TENM2: variants seen among roughly 807,000 people sequenced by gnomAD.
The protein encoded by TENM2 is teneurin-2.
TENM2 carries 52 observed loss-of-function variants against 245.2 expected under a neutral mutation model. The ratio of observed to expected loss-of-function variants is 0.21; its 90% CI spans 0.17 to 0.27. The LOEUF (loss-of-function observed/expected upper bound fraction) is 0.27, where lower values mean the gene tolerates loss of function less well. Ranked by LOEUF, TENM2 falls within the 10% of genes least tolerant of loss-of-function variation. The pLI is 1.00. For missense variants in TENM2, 3,046 were observed against 3,666.8 expected (o/e 0.83, Z 4.37); for synonymous variants, 1,363 against 1,438.9 (o/e 0.95, Z 1.19).
chr5:168,099,357 A>G (rs1470620465), intron 9 of TENM2, among the ~76,000 whole-genome samples: 2 of 152,132 alleles, frequency 1.3e-5, no homozygotes, highest in African/African-American at 4.8e-5. Flanking sequence ...CAGCTCTGCC[A>G]TTGGGTATCT....
At position 167,380,013 on chromosome 5, in the gene TENM2, T is replaced by C. The variant is rs559098276; in HGVS notation, c.502+4540T>C. ...ATTTGTGTTTTTAGGCTTTATTTTA[T>C]ATACCTGTACATTTAAAAGAATACC... On this transcript the variant is annotated intron_variant, in intron 2 of 28. Coordinates refer to ENST00000518659, the Ensembl canonical transcript of TENM2. Among the ~76,000 whole-genome samples the C allele has an allele frequency of 2.6e-5, 4 of 151,896 alleles. No individual in the cohort carries two copies. The South Asian group carries it at 8.3e-4, about 32-fold the overall frequency.
intron 1 of TENM2, among the ~76,000 whole-genome samples, chr5:167,333,441 GTTATTA>G (rs1248707865): frequency 1.3e-5 from 2 of 152,124 alleles, no homozygotes; most frequent in Non-Finnish European, 2.9e-5. Flanking sequence ...GGTAGTTGTT[GTTATTA>G]TTATTATCAT....
At chr5:167,217,738 T>A in the TENM2 span, among the ~76,000 whole-genome samples, 1 of 141,942 alleles carries the variant, frequency 7.0e-6, no homozygotes, top group African/African-American at 2.6e-5. Flanking sequence ...ATATATATAA[T>A]ATATGTGATA....
intron 2 of TENM2, among the ~76,000 whole-genome samples, chr5:167,669,936 T>C (rs1755825519): frequency 6.6e-6 from 1 of 152,048 alleles, no homozygotes; most frequent in Admixed American, 6.6e-5. Flanking sequence ...ACAATAGTCC[T>C]CATGAGAATG....
chr5:167,305,391 A>AG (rs1164893235), intron 1 of TENM2, among the ~76,000 whole-genome samples: 5 of 152,222 alleles, frequency 3.3e-5, no homozygotes, highest in Non-Finnish European at 7.3e-5. Context: ...CCCACCTTGC[A>AG]TATTTACTCA....
chr5:167,621,114 T>C (rs1778142430), intron 2 of TENM2, among the ~76,000 whole-genome samples: 1 of 152,150 alleles, frequency 6.6e-6, no homozygotes, highest in Admixed American at 6.6e-5. Context: ...TAATAAGTGA[T>C]GATGTGGGCC....
intron 5 of TENM2, among the ~76,000 whole-genome samples, chr5:168,031,153 A>G (rs972096311): frequency 1.3e-5 from 2 of 152,212 alleles, no homozygotes; most frequent in South Asian, 4.1e-4. Flanking sequence ...TGCAGCTTCA[A>G]GAGTCAGTGC....
intron 20 of TENM2, 81 bp downstream of exon 22, chr5:168,211,835 T>C (rs767746654): frequency 2.7e-5 from 22 of 826,778 alleles, no homozygotes; most frequent in Non-Finnish European, 4.1e-5. Context: ...TTTGTGCTTC[T>C]TGTGTAATGT....
the TENM2 span, among the ~76,000 whole-genome samples, chr5:167,199,384 G>A: frequency 6.6e-6 from 1 of 152,096 alleles, no homozygotes; most frequent in Non-Finnish European, 1.5e-5. Flanking sequence ...TTCCTGGAGA[G>A]AAGGATCAAA....
chr5:167,084,360 TATATATAC>T, the TENM2 span, among the ~76,000 whole-genome samples: 1 of 116,690 alleles, frequency 8.6e-6, no homozygotes, highest in Admixed American at 9.1e-5. Flanking sequence ...TATATATATA[TATATATAC>T]AGATCAGATT....
intron 3 of TENM2, among the ~76,000 whole-genome samples, chr5:167,937,502 C>T (rs1368752942): frequency 6.6e-6 from 1 of 152,122 alleles, no homozygotes; most frequent in East Asian, 1.9e-4. Flanking sequence ...TGTGAGAGTT[C>T]CCATCATGGC....
chr5:167,782,207 G>A (rs1764231880), intron 2 of TENM2, among the ~76,000 whole-genome samples: 1 of 150,582 alleles, frequency 6.6e-6, no homozygotes, highest in Admixed American at 6.6e-5. Flanking sequence ...CAGCTACTCG[G>A]GAGGCTGAGG....
intron 2 of TENM2, among the ~76,000 whole-genome samples, chr5:167,849,035 T>G (rs1267209987): frequency 6.6e-6 from 1 of 152,214 alleles, no homozygotes; most frequent in Non-Finnish European, 1.5e-5. Context: ...CTTACAGTTC[T>G]CTAAGTGAGA....
At chr5:167,602,409 C>A (rs2127731087) in intron 2 of TENM2, among the ~76,000 whole-genome samples, 1 of 152,212 alleles carries the variant, frequency 6.6e-6, no homozygotes, top group Non-Finnish European at 1.5e-5. Context: ...AGGGTTCACG[C>A]CTTCATATTG....
chr5:167,899,900 T>A (rs1775547167), intron 3 of TENM2, among the ~76,000 whole-genome samples: 1 of 151,982 alleles, frequency 6.6e-6, no homozygotes, highest in Non-Finnish European at 1.5e-5. Context: ...TAAAAGCAAG[T>A]ATGTTAAATT....
chr5:168,216,932 T>C lies in TENM2; in HGVS notation c.4233+10T>C, dbSNP rs1938220195. 6.2e-7 allele frequency: 1 copy of C among 1,613,132 alleles called. No individual in the cohort carries two copies. The highest frequency in any genetic ancestry group is 1.3e-5 in the African/African-American group (1 of 74,878). ...CATGGATGTAGCCCAGGTGAGACTC[T>C]TTCTTATTTCTCTTCACTAAGCAAC... On this transcript the variant is annotated intron_variant, in intron 22 of 28. Transcript: ENST00000518659.
intron 2 of TENM2, among the ~76,000 whole-genome samples, chr5:167,400,608 G>A (rs971747423): frequency 1.1e-4 from 16 of 152,020 alleles, no homozygotes; most frequent in Non-Finnish European, 1.5e-5. Flanking sequence ...ATTATAAATG[G>A]GGCTACATCA....
At chr5:167,294,984 C>A (rs1754866291) in intron 1 of TENM2, among the ~76,000 whole-genome samples, 1 of 152,102 alleles carries the variant, frequency 6.6e-6, no homozygotes, top group African/African-American at 2.4e-5. Flanking sequence ...TTTTTATAGC[C>A]CTTAATGGGT....
At chr5:168,118,410 C>T in exon 10 of TENM2, 2 of 1,611,226 alleles carry the variant, frequency 1.2e-6, no homozygotes, top group Non-Finnish European at 1.7e-6. Context: ...TCGATCCTTC[C>T]TGCGGGGGCC....
Sources: gnomAD v4.1 joint callset for allele counts (sites outside exome capture counted in the v4.1 genomes callset) on GRCh38, gnomAD v4.1.1 for gene constraint, MANE v1.5 for transcripts, NCBI Gene and HGNC (gene_info 2026-07-23, HGNC 2026-07-21) for gene names.